The following TNIP3 variants were observed in gnomAD, a reference collection of about 807,000 sequenced individuals.
The protein encoded by TNIP3 is TNFAIP3 interacting protein 3.
A neutral mutation model predicts 54.1 loss-of-function variants in TNIP3; 34 were observed. The observed-to-expected ratio is 0.63, with a 90% CI of 0.48 to 0.84. The LOEUF is 0.84. Ranked by LOEUF, TNIP3 falls within the 40% of genes least tolerant of loss-of-function variation. TNIP3 has a pLI of 0.00. For synonymous variants in TNIP3, 134 were observed against 136.8 expected (o/e 0.98, Z 0.14); for missense variants, 366 against 387.6 (o/e 0.94, Z 0.47).
chr4:121,133,526 A>G (rs976704608), intron 10 of TNIP3, among the ~76,000 whole-genome samples: 1 of 152,178 alleles, frequency 6.6e-6, no homozygotes, highest in Non-Finnish European at 1.5e-5. Context: ...TAAATCCACT[A>G]ATGATACCTC....
At chr4:121,149,157 G>A (rs769339848) in intron 6 of TNIP3, among the ~76,000 whole-genome samples, 7 of 152,148 alleles carry the variant, frequency 4.6e-5, no homozygotes, top group Non-Finnish European at 1.0e-4. Context: ...TATCTCCACA[G>A]CCCTATGCTG....
chr4:121,132,657 A>G lies in TNIP3; in HGVS notation c.952T>C (p.Ser318Pro). The change falls in exon 11 of 11, where the codon TCC (serine) becomes CCC (proline). Residue 318 changes from serine (S) to proline (P), a missense_variant. Coordinates refer to ENST00000057513, the MANE Select transcript of TNIP3 (RefSeq NM_024873.6). Reference protein sequence around the residue: ...PDVQHKANGLSSVKKVHP With the variant: ...PDVQHKANGLPSVKKVHP Reference sequence around the variant, plus strand: ...TACGGATGGACTTTCTTTACTGAGGATAAACCTATGGAAAACAGTAGGAAA... The same window carrying G: ...TACGGATGGACTTTCTTTACTGAGGGTAAACCTATGGAAAACAGTAGGAAA... 6.2e-7 allele frequency: 1 copy of G among 1,612,072 alleles called. No individual in the cohort carries two copies. Among genetic ancestry groups the G allele is most frequent in the Non-Finnish European group, 8.5e-7 (1 of 1,178,230 alleles).
rs576132290 is a variant in TNIP3 at position 121,138,337 on chromosome 4, A to C, written c.946+287T>G. ...CAGAGCTTTGTTGTTGTTATAATAC[A>C]GCTCTGCTTACAGTTTTCATTTCTA... On this transcript the variant is annotated intron_variant, in intron 10 of 10. Transcript: ENST00000057513. 2.0e-5 allele frequency among the ~76,000 whole-genome samples: 3 copies of C among 152,250 alleles called. No homozygotes were observed. In the East Asian group the frequency reaches 5.8e-4, roughly 29 times the overall value.
At chr4:121,159,976 T>C (rs1406106764) in intron 2 of TNIP3, among the ~76,000 whole-genome samples, 1 of 152,218 alleles carries the variant, frequency 6.6e-6, no homozygotes, top group Non-Finnish European at 1.5e-5. Context: ...AAAATACATA[T>C]CATTATTTAG....
chr4:121,203,994 A>G (rs1236009276), intron 2 of TNIP3, among the ~76,000 whole-genome samples: 1 of 149,854 alleles, frequency 6.7e-6, no homozygotes, highest in Non-Finnish European at 1.5e-5. Flanking sequence ...ATTAAAACAA[A>G]TATTGTATTA....
intron 1 of TNIP3, among the ~76,000 whole-genome samples, chr4:121,223,368 A>C (rs1215719915): frequency 6.6e-6 from 1 of 152,248 alleles, no homozygotes; most frequent in Non-Finnish European, 1.5e-5. Context: ...GCAGTTTAGC[A>C]AGCAATGACC....
intron 3 of TNIP3, among the ~76,000 whole-genome samples, chr4:121,173,788 C>T (rs1305080907): frequency 6.6e-6 from 1 of 152,008 alleles, no homozygotes; most frequent in Non-Finnish European, 1.5e-5. Context: ...GTCACCATGC[C>T]CAGCTAATTT....
chr4:121,132,891 C>T (rs1056018421), intron 10 of TNIP3, among the ~76,000 whole-genome samples: 4 of 152,018 alleles, frequency 2.6e-5, no homozygotes, highest in Admixed American at 2.0e-4. Context: ...GTTGTGGCCT[C>T]GTTCTAATTA....
intron 2 of TNIP3, among the ~76,000 whole-genome samples, chr4:121,206,538 T>TGTGTGTGTGTGTGTG (rs1553937288): frequency 2.4e-4 from 37 of 151,590 alleles, no homozygotes; most frequent in Non-Finnish European, 5.9e-5. Flanking sequence ...TTTGTATATA[T>TGTGTGTGTGTGTGTG]TGTGTGTGTG....
intron 2 of TNIP3, among the ~76,000 whole-genome samples, chr4:121,186,776 C>T (rs1368558793): frequency 6.6e-6 from 1 of 152,044 alleles, no homozygotes; most frequent in Non-Finnish European, 1.5e-5. Flanking sequence ...TAGTATACCA[C>T]CATAAAGAAA....
chr4:121,163,996 T>G, intron 1 of TNIP3, 64 bp downstream of exon 1: 1 of 1,580,252 alleles, frequency 6.3e-7, no homozygotes, highest in Non-Finnish European at 8.7e-7. Flanking sequence ...AGTGCACAAT[T>G]AACCACTAGA....
chr4:121,185,283 TG>T (rs1724953233), intron 2 of TNIP3, among the ~76,000 whole-genome samples: 1 of 152,208 alleles, frequency 6.6e-6, no homozygotes, highest in Admixed American at 6.5e-5. Flanking sequence ...CTCCAGGCCT[TG>T]GTGTTTGCTC....
At chr4:121,218,270 A>G (rs1726885193), upstream of TNIP3, among the ~76,000 whole-genome samples, 1 of 152,206 alleles carries the variant, frequency 6.6e-6, no homozygotes, top group African/African-American at 2.4e-5. Context: ...GGAAATCTCC[A>G]GATTTAATAT....
At chr4:121,192,137 C>T (rs1438376661) in intron 2 of TNIP3, among the ~76,000 whole-genome samples, 1 of 152,128 alleles carries the variant, frequency 6.6e-6, no homozygotes, top group African/African-American at 2.4e-5. Context: ...CTTGATTCTA[C>T]CTCACCAGAG....
chr4:121,147,810 T>A (rs148636054), intron 6 of TNIP3, among the ~76,000 whole-genome samples: 3,331 of 152,310 alleles, frequency 0.022, 79 homozygotes, highest in Admixed American at 0.035. Flanking sequence ...GCTAGATTTT[T>A]ATCTATTAAA....
At chr4:121,211,440 T>C (rs1320813085) in intron 2 of TNIP3, among the ~76,000 whole-genome samples, 2 of 152,140 alleles carry the variant, frequency 1.3e-5, no homozygotes, top group Non-Finnish European at 2.9e-5. Context: ...ACTGAGGATA[T>C]TACATTTAAA....
intron 3 of TNIP3, among the ~76,000 whole-genome samples, chr4:121,180,348 C>G (rs1007093955): frequency 2.6e-5 from 4 of 151,836 alleles, no homozygotes; most frequent in Non-Finnish European, 5.9e-5. Context: ...TGCAGTGAGC[C>G]GAGATCGCAC....
intron 3 of TNIP3, among the ~76,000 whole-genome samples, chr4:121,174,456 C>T (rs936685175): frequency 4.6e-5 from 7 of 151,756 alleles, no homozygotes; most frequent in South Asian, 2.1e-4. Context: ...AGAACATGTG[C>T]ATATAAAGAT....
At chr4:121,178,742 T>G (rs1290082817) in intron 3 of TNIP3, among the ~76,000 whole-genome samples, 2 of 152,212 alleles carry the variant, frequency 1.3e-5, no homozygotes, top group African/African-American at 4.8e-5. Context: ...TAGGGATAAA[T>G]CGATGTATAT....
Sources: allele counts gnomAD v4.1 joint callset (sites outside exome capture counted in the v4.1 genomes callset), GRCh38; gene constraint gnomAD v4.1.1; transcripts MANE v1.5; gene names NCBI Gene and HGNC (gene_info 2026-07-23, HGNC 2026-07-21).